Variants in ARSH observed in about 807,000 individuals in gnomAD.
The protein encoded by ARSH is arylsulfatase family member H.
A neutral mutation model predicts 28.7 loss-of-function variants in ARSH; 32 were observed. That is an observed-to-expected ratio of 1.11 (90% CI 0.84 to 1.50). ARSH has a LOEUF of 1.50. Among genes scored for constraint, ARSH ranks in the 40% most tolerant of loss-of-function variants. ARSH has a pLI of 0.00. For synonymous variants in ARSH, 176 were observed against 177.3 expected, an observed-to-expected ratio of 0.99 and a Z score of 0.06; for missense variants, 440 against 452.4, an observed-to-expected ratio of 0.97 and a Z score of 0.25.
chrX:3,022,312 T>G (rs1291763249), intron 5 of ARSH, among the ~76,000 whole-genome samples: 1 of 112,175 alleles, frequency 8.9e-6, no homozygotes. Flanking sequence ...CATATAATTA[T>G]GCTGTTCCCA....
At chrX:3,008,819 C>A (rs1458649146) in intron 1 of ARSH, among the ~76,000 whole-genome samples, 2 of 110,028 alleles carry the variant, frequency 1.8e-5, no homozygotes, top group Admixed American at 9.8e-5. Context: ...AAGTGTTCAG[C>A]CCCTCTTGGC....
At chrX:3,030,459 C>T (rs979317245) in intron 8 of ARSH, among the ~76,000 whole-genome samples, 2 of 111,202 alleles carry the variant, frequency 1.8e-5, no homozygotes, top group Admixed American at 9.6e-5. Flanking sequence ...TCCATTCTCA[C>T]GTTGCTAATA....
chrX:3,010,112 C>A lies in ARSH; in HGVS notation c.175C>A (p.Arg59=). ...LAAASMCTPS[R]AAFLTGRYPI... ...AGCTGCTTCCATGTGCACCCCAAGT[C>A]GGGCTGCCTTCCTGACCGGCCGGTA... The change falls in exon 2 of 9, where the codon CGG becomes AGG. Residue 59 remains arginine (R), a synonymous_variant. Coordinates refer to ENST00000381130, the MANE Select transcript of ARSH (RefSeq NM_001011719.2). 1 of 1,211,460 alleles carries A rather than the reference C, an allele frequency of 8.3e-7. No homozygotes were observed. The highest frequency in any genetic ancestry group is 1.1e-6 in the Non-Finnish European group (1 of 895,256).
At chrX:3,029,461 A>G (rs1055926853) in intron 8 of ARSH, 93 bp downstream of exon 8, 4 of 1,068,995 alleles carry the variant, frequency 3.7e-6, no homozygotes, top group Non-Finnish European at 5.0e-6. Flanking sequence ...ATGTGCAGAT[A>G]TTGCCCAGCT....
At position 3,029,270 on chromosome X, in the gene ARSH, T is replaced by C; in HGVS notation, c.1223T>C (p.Met408Thr). The C allele has an allele frequency of 1.7e-6, 2 of 1,210,137 alleles. No homozygotes were observed. Among genetic ancestry groups the C allele is most frequent in the Non-Finnish European group, 2.2e-6 (2 of 894,942 alleles). Residue 408 changes from methionine (M) to threonine (T), a missense_variant, in exon 8 of 9, where the codon ATG (methionine) becomes ACG (threonine). Met to Thr is a moderately conservative substitution (Grantham distance 81). Coordinates refer to ENST00000381130, the MANE Select transcript of ARSH (RefSeq NM_001011719.2). ...AGAGTGATTGACGGCCAGAACCTAA[T>C]GCCCCTGCTGGAAGGAAGGGCGTCC... ...QDRVIDGQNL[M>T]PLLEGRASHS... is the part of the protein sequence containing the mutation.
At chrX:3,010,796 C>T (rs905897584) in intron 2 of ARSH, among the ~76,000 whole-genome samples, 5 of 111,872 alleles carry the variant, frequency 4.5e-5, no homozygotes, top group African/African-American at 1.3e-4. Context: ...GGTTATCAGA[C>T]TCTATGTGAA....
intron 2 of ARSH, among the ~76,000 whole-genome samples, chrX:3,012,583 A>ATATATATAT (rs1555914118): frequency 1.1e-4 from 2 of 17,941 alleles, no homozygotes; most frequent in Non-Finnish European, 1.9e-4. Flanking sequence ...ATATATATAT[A>ATATATATAT]TATATATATA....
intron 6 of ARSH, among the ~76,000 whole-genome samples, chrX:3,025,337 ATATT>A (rs1401116289): frequency 1.9e-5 from 2 of 105,682 alleles, no homozygotes; most frequent in Admixed American, 1.1e-4. Context: ...TATATTTACT[ATATT>A]TATTGTATAG....
At chrX:3,009,588 T>G (rs2089840551) in intron 1 of ARSH, among the ~76,000 whole-genome samples, 2 of 110,595 alleles carry the variant, frequency 1.8e-5, no homozygotes, top group African/African-American at 6.6e-5. Flanking sequence ...CCCAGGGAAT[T>G]TAAGGTTGCA....
At chrX:3,012,590 TA>T (rs1160021014) in intron 2 of ARSH, among the ~76,000 whole-genome samples, 5 of 23,412 alleles carry the variant, frequency 2.1e-4, no homozygotes, top group African/African-American at 1.1e-3. Flanking sequence ...TATATATATA[TA>T]TATATATAAT....
intron 4 of ARSH, among the ~76,000 whole-genome samples, chrX:3,017,216 G>T (rs2089868675): frequency 9.0e-6 from 1 of 111,187 alleles, no homozygotes; most frequent in Admixed American, 9.7e-5. Flanking sequence ...TTTCTATGCT[G>T]GTTGTGAAAA....
intron 5 of ARSH, among the ~76,000 whole-genome samples, chrX:3,021,522 A>G (rs1193257344): frequency 9.0e-6 from 1 of 111,471 alleles, no homozygotes; most frequent in Non-Finnish European, 1.9e-5. Context: ...ATTTAACAAT[A>G]TGAGTATAAA....
intron 1 of ARSH, among the ~76,000 whole-genome samples, chrX:3,007,231 A>G (rs2089830404): frequency 1.1e-5 from 1 of 94,990 alleles, no homozygotes; most frequent in South Asian, 5.8e-4. Context: ...CCTGGGTGAC[A>G]GAGGGAGACT....
chrX:3,012,355 T>G, intron 2 of ARSH, among the ~76,000 whole-genome samples: 1 of 101,711 alleles, frequency 9.8e-6, no homozygotes, highest in Non-Finnish European at 2.0e-5. Context: ...CCGGCCAACA[T>G]AGTGAAACCT....
At chrX:3,010,374 T>C (rs1429928615) in intron 2 of ARSH, among the ~76,000 whole-genome samples, 1 of 111,470 alleles carries the variant, frequency 9.0e-6, no homozygotes, top group Non-Finnish European at 1.9e-5. Context: ...TTTAGGCCTC[T>C]TGGGGGCAAT....
rs768320029 is a variant in ARSH at position 3,024,091 on chromosome X, CG to C, written c.977del (p.Gly326AlafsTer49). On this transcript the variant is annotated frameshift_variant, in exon 6 of 9. Coordinates refer to ENST00000381130, the MANE Select transcript of ARSH (RefSeq NM_001011719.2). LOFTEE classifies it high-confidence loss of function. The stretch of plus-strand genomic sequence containing the variant: ...CCTTGGTGTACTTCACCTCTGACAA[CG>C]GGGGCCACCTGGAGCCCCTGGACGG... The part of the protein sequence containing the change: ...HTLVYFTSDN[G>X]GHLEPLDGAV... 8 of 1,204,897 alleles carry C rather than the reference CG, an allele frequency of 6.6e-6. No individual in the cohort carries two copies. The highest frequency in any genetic ancestry group is 9.0e-6 in the Non-Finnish European group (8 of 893,286).
At chrX:3,030,858 T>C (rs2089911971) in intron 8 of ARSH, among the ~76,000 whole-genome samples, 1 of 110,974 alleles carries the variant, frequency 9.0e-6, no homozygotes, top group Non-Finnish European at 1.9e-5. Context: ...CCTCAAGCTG[T>C]CAAAATACTA....
chrX:3,020,925 T>TAC (rs1427956370), intron 5 of ARSH, among the ~76,000 whole-genome samples: 5 of 111,201 alleles, frequency 4.5e-5, no homozygotes, highest in African/African-American at 1.6e-4. Flanking sequence ...TTAAGCTATA[T>TAC]ACACACACAC....
intron 6 of ARSH, among the ~76,000 whole-genome samples, chrX:3,024,611 C>G (rs764625295): frequency 9.0e-6 from 1 of 111,477 alleles, no homozygotes; most frequent in South Asian, 3.9e-4. Context: ...GAGAAGTGCT[C>G]CTTTAGATTA....
Sources: gnomAD v4.1 joint callset for allele counts (sites outside exome capture counted in the v4.1 genomes callset) on GRCh38, gnomAD v4.1.1 for gene constraint, MANE v1.5 for transcripts, NCBI Gene and HGNC (gene_info 2026-07-23, HGNC 2026-07-21) for gene names.